The following CSMD1 variants were observed in gnomAD, a reference collection of about 807,000 sequenced individuals.
The protein encoded by CSMD1 is CUB and Sushi multiple domains 1.
CSMD1 carries 213 observed loss-of-function variants against 417.5 expected under a neutral mutation model. The observed-to-expected ratio is 0.51, with a 90% CI of 0.46 to 0.57. CSMD1 has a LOEUF of 0.57. Ranked by LOEUF, CSMD1 falls within the 20% of genes least tolerant of loss-of-function variation. The probability of loss-of-function intolerance (pLI) is 0.00; values close to 1 mark genes in which losing one functional copy is unlikely to be tolerated. For missense variants in CSMD1, 6,923 were observed against 4,529.7 expected (o/e 1.53, Z -15.17); for synonymous variants, 2,862 against 1,736.8 (o/e 1.65, Z -16.11).
At chr8:3,084,607 T>A (rs1001722751) in intron 49 of CSMD1, among the ~76,000 whole-genome samples, 9 of 151,950 alleles carry the variant, frequency 5.9e-5, no homozygotes, top group Non-Finnish European at 8.8e-5. Context: ...AAATCTCTCT[T>A]TGTTGCACAC....
At chr8:4,588,269 T>G (rs1267511557) in intron 2 of CSMD1, among the ~76,000 whole-genome samples, 3 of 151,964 alleles carry the variant, frequency 2.0e-5, no homozygotes, top group Non-Finnish European at 4.4e-5. Flanking sequence ...ACTTTTAGGA[T>G]TCCATTAAAT....
intron 16 of CSMD1, among the ~76,000 whole-genome samples, chr8:3,396,837 A>T (rs1414280353): frequency 6.6e-6 from 1 of 152,172 alleles, no homozygotes; most frequent in Non-Finnish European, 1.5e-5. Flanking sequence ...CTCTTAAACA[A>T]AGAAGATCAT....
intron 1 of CSMD1, among the ~76,000 whole-genome samples, chr8:4,703,165 T>A (rs966667492): frequency 1.3e-5 from 2 of 152,180 alleles, no homozygotes; most frequent in African/African-American, 4.8e-5. Flanking sequence ...GATCTCCATT[T>A]AAGGAGATTC....
At chr8:4,099,846 A>T (rs1416240962) in intron 3 of CSMD1, among the ~76,000 whole-genome samples, 1 of 152,146 alleles carries the variant, frequency 6.6e-6, no homozygotes, top group Non-Finnish European at 1.5e-5. Context: ...CCCTTAGAAC[A>T]TCCTTCTTTT....
At chr8:4,729,533 T>C (rs1809710858) in intron 1 of CSMD1, among the ~76,000 whole-genome samples, 1 of 152,206 alleles carries the variant, frequency 6.6e-6, no homozygotes, top group South Asian at 2.1e-4. Context: ...TAATGCATTT[T>C]TATGCTGTTG....
intron 1 of CSMD1, among the ~76,000 whole-genome samples, chr8:4,717,936 G>A (rs1180840455): frequency 6.6e-6 from 1 of 152,026 alleles, no homozygotes; most frequent in African/African-American, 2.4e-5. Context: ...ATAAAACAGT[G>A]GCAAACAATA....
chr8:4,615,048 A>T (rs1319420529), intron 2 of CSMD1, among the ~76,000 whole-genome samples: 4 of 152,096 alleles, frequency 2.6e-5, no homozygotes, highest in Admixed American at 1.3e-4. Flanking sequence ...TTCAGATGAG[A>T]AAGGCTTCCT....
At chr8:3,696,782 G>C (rs1392447133) in intron 7 of CSMD1, among the ~76,000 whole-genome samples, 1 of 152,168 alleles carries the variant, frequency 6.6e-6, no homozygotes, top group Non-Finnish European at 1.5e-5. Flanking sequence ...GTCAACAGGA[G>C]TTTCTAAAAT....
At chr8:3,576,772 G>C (rs906322184) in intron 9 of CSMD1, among the ~76,000 whole-genome samples, 2 of 152,146 alleles carry the variant, frequency 1.3e-5, no homozygotes, top group Non-Finnish European at 2.9e-5. Flanking sequence ...GCTGTTCTCA[G>C]AGAGGATCAT....
intron 23 of CSMD1, among the ~76,000 whole-genome samples, chr8:3,336,701 G>A (rs1046338027): frequency 6.6e-6 from 1 of 152,198 alleles, no homozygotes; most frequent in African/African-American, 2.4e-5. Flanking sequence ...TGTTCCCGAT[G>A]TGGGCGAGAG....
chr8:4,201,710 C>G (rs1013783476), intron 3 of CSMD1, among the ~76,000 whole-genome samples: 1 of 151,746 alleles, frequency 6.6e-6, no homozygotes, highest in Non-Finnish European at 1.5e-5. Flanking sequence ...AAATGAAGAG[C>G]TAGGAAAAAT....
At chr8:3,765,395 C>G (rs1427723713) in intron 5 of CSMD1, among the ~76,000 whole-genome samples, 2 of 152,146 alleles carry the variant, frequency 1.3e-5, no homozygotes, top group Non-Finnish European at 2.9e-5. Context: ...CCACTCCTAC[C>G]TTTACAGCAT....
At chr8:3,314,816 T>G (rs182624217) in intron 23 of CSMD1, among the ~76,000 whole-genome samples, 1 of 152,370 alleles carries the variant, frequency 6.6e-6, no homozygotes, top group East Asian at 1.9e-4. Flanking sequence ...GGATTAGTTC[T>G]TATCTTCCAA....
chr8:3,341,292 A>C (rs1807625752), intron 23 of CSMD1, among the ~76,000 whole-genome samples: 1 of 152,200 alleles, frequency 6.6e-6, no homozygotes, highest in African/African-American at 2.4e-5. Flanking sequence ...CTACCTGGAC[A>C]ACAGAAGAGG....
At chr8:4,401,690 A>C (rs530293226) in intron 3 of CSMD1, among the ~76,000 whole-genome samples, 1 of 151,532 alleles carries the variant, frequency 6.6e-6, no homozygotes, top group African/African-American at 2.4e-5. Context: ...GGAAAAACTC[A>C]CCTCCCATCT....
intron 52 of CSMD1, among the ~76,000 whole-genome samples, chr8:3,007,390 A>T (rs1288926468): frequency 6.6e-6 from 1 of 151,742 alleles, no homozygotes; most frequent in Non-Finnish European, 1.5e-5. Context: ...AGAAGTAGAA[A>T]TACCATTTGA....
At chr8:3,865,241 C>T (rs1284657988) in intron 5 of CSMD1, among the ~76,000 whole-genome samples, 1 of 152,198 alleles carries the variant, frequency 6.6e-6, no homozygotes, top group African/African-American at 2.4e-5. Flanking sequence ...TCCTCAACTA[C>T]CAACCAAGTA....
intron 39 of CSMD1, among the ~76,000 whole-genome samples, chr8:3,151,726 T>C (rs1819207199): frequency 6.6e-6 from 1 of 152,168 alleles, no homozygotes. Context: ...ATAAAGACCA[T>C]TTTTCAAGAT....
intron 1 of CSMD1, among the ~76,000 whole-genome samples, chr8:4,661,956 A>T (rs950260639): frequency 4.6e-5 from 7 of 152,194 alleles, no homozygotes; most frequent in African/African-American, 1.7e-4. Flanking sequence ...CTACATAGTT[A>T]CAGAGTTATT....
Sources: gnomAD v4.1 joint callset for allele counts (sites outside exome capture counted in the v4.1 genomes callset) on GRCh38, gnomAD v4.1.1 for gene constraint, MANE v1.5 for transcripts, NCBI Gene and HGNC (gene_info 2026-07-23, HGNC 2026-07-21) for gene names.